The following KIAA1217 variants were observed in gnomAD, a reference collection of about 807,000 sequenced individuals.
The protein encoded by KIAA1217 is KIAA1217.
Under a neutral mutation model 163.9 loss-of-function variants are expected in KIAA1217, and 88 were observed. The observed-to-expected ratio is 0.54, with a 90% CI of 0.45 to 0.64. The LOEUF is 0.64. Among genes scored for constraint, KIAA1217 ranks in the 30% least tolerant of loss-of-function variants. The pLI is 0.00. For missense variants in KIAA1217, 2,372 were observed against 2,475.0 expected, an observed-to-expected ratio of 0.96 and a Z score of 0.88; for synonymous variants, 903 against 923.1, an observed-to-expected ratio of 0.98 and a Z score of 0.39.
rs951069395 is a variant in KIAA1217, at chr10:24,543,805, G to A, written c.4535G>A (p.Arg1512Lys). 5 of 1,613,914 alleles carry A rather than the reference G, an allele frequency of 3.1e-6. No individual in the cohort carries two copies. In the Admixed American group the frequency reaches 6.7e-5, roughly 22 times the overall value. Residue 1512 changes from arginine to lysine, a missense_variant, in exon 19 of 21, where the codon AGA becomes AAA. Transcript: ENST00000376454. ...AAGAAGGTGGCCCCAGGCAATCTTA[G>A]AACCGGACAACAGGTGGAAACAAAG... ...SHKKVAPGNL[R>K]TGQQVETKSQ... is the part of the protein sequence containing the mutation.
intron 1 of KIAA1217, among the ~76,000 whole-genome samples, chr10:23,824,662 T>TAC (rs1837812065): frequency 3.3e-5 from 4 of 120,890 alleles, no homozygotes; most frequent in Non-Finnish European, 5.0e-5. Flanking sequence ...AAAAAAAATA[T>TAC]ATATATATAT....
chr10:24,094,905 C>T (rs2062087375), intron 2 of KIAA1217, among the ~76,000 whole-genome samples: 1 of 152,208 alleles, frequency 6.6e-6, no homozygotes, highest in Non-Finnish European at 1.5e-5. Context: ...AGCTTCCCGG[C>T]TGCTTTGTTT....
intron 3 of KIAA1217, among the ~76,000 whole-genome samples, chr10:24,384,143 G>A (rs549150694): frequency 7.9e-5 from 12 of 152,228 alleles, no homozygotes; most frequent in South Asian, 2.1e-4. Flanking sequence ...CTGGAAACCC[G>A]CTGTTGATGC....
chr10:23,727,088 C>T (rs7916616), intron 1 of KIAA1217, among the ~76,000 whole-genome samples: 3,550 of 147,190 alleles, frequency 0.024, 152 homozygotes, highest in African/African-American at 0.084. Context: ...CCCAGGTTCA[C>T]GCCATTCTCC....
intron 1 of KIAA1217, among the ~76,000 whole-genome samples, chr10:23,987,821 A>G (rs1846049848): frequency 6.6e-6 from 1 of 152,204 alleles, no homozygotes; most frequent in South Asian, 2.1e-4. Context: ...TTTTAAGTGA[A>G]TTAATTAGTA....
intron 9 of KIAA1217, among the ~76,000 whole-genome samples, chr10:24,503,833 C>G (rs1245820091): frequency 6.6e-6 from 1 of 152,232 alleles, no homozygotes; most frequent in African/African-American, 2.4e-5. Flanking sequence ...TTGGCACCAT[C>G]TGCTGGCCAT....
intron 1 of KIAA1217, among the ~76,000 whole-genome samples, chr10:23,826,782 G>A (rs944198954): frequency 2.0e-5 from 3 of 152,038 alleles, no homozygotes; most frequent in African/African-American, 4.8e-5. Flanking sequence ...TCATATTCTC[G>A]GTTACTATTC....
chr10:24,222,013 T>C (rs1419397949), intron 2 of KIAA1217, among the ~76,000 whole-genome samples: 9 of 152,194 alleles, frequency 5.9e-5, no homozygotes, highest in African/African-American at 9.7e-5. Context: ...CTGAGAAATA[T>C]AGAAATTGGC....
intron 2 of KIAA1217, among the ~76,000 whole-genome samples, chr10:24,128,626 G>A (rs914363688): frequency 1.3e-5 from 2 of 152,126 alleles, no homozygotes; most frequent in African/African-American, 4.8e-5. Flanking sequence ...CTCTACATGT[G>A]CTGTGGCACA....
chr10:24,117,020 A>G (rs987293387), intron 2 of KIAA1217, among the ~76,000 whole-genome samples: 5 of 151,900 alleles, frequency 3.3e-5, no homozygotes, highest in Non-Finnish European at 7.4e-5. Context: ...AAGGAAGGAA[A>G]TAACTCCAAA....
intron 1 of KIAA1217, among the ~76,000 whole-genome samples, chr10:23,699,006 A>G (rs1240822177): frequency 1.3e-5 from 2 of 152,180 alleles, no homozygotes; most frequent in Non-Finnish European, 2.9e-5. Flanking sequence ...GCTTACAGGC[A>G]TGAGCCACTG....
chr10:24,184,089 G>A (rs2066309538), intron 2 of KIAA1217, among the ~76,000 whole-genome samples: 1 of 152,182 alleles, frequency 6.6e-6, no homozygotes, highest in Non-Finnish European at 1.5e-5. Context: ...TTATTCTTGT[G>A]TTTACTTTTA....
intron 1 of KIAA1217, among the ~76,000 whole-genome samples, chr10:23,887,509 C>T (rs937896001): frequency 6.6e-6 from 1 of 151,816 alleles, no homozygotes; most frequent in African/African-American, 2.4e-5. Context: ...TCAATATTCA[C>T]AGTAACATAA....
At chr10:23,900,946 A>G (rs866638185) in intron 1 of KIAA1217, among the ~76,000 whole-genome samples, 29 of 152,136 alleles carry the variant, frequency 1.9e-4, no homozygotes, top group African/African-American at 6.5e-4. Flanking sequence ...TAATGTTTGT[A>G]AAAGAGCATA....
chr10:23,763,552 A>G (rs1464768810), intron 1 of KIAA1217, among the ~76,000 whole-genome samples: 2 of 152,252 alleles, frequency 1.3e-5, no homozygotes, highest in South Asian at 2.1e-4. Context: ...CCATATGCAG[A>G]AAACTGAAAC....
At chr10:23,818,331 T>TA (rs1343079104) in intron 1 of KIAA1217, among the ~76,000 whole-genome samples, 29 of 86,798 alleles carry the variant, frequency 3.3e-4, no homozygotes, top group African/African-American at 9.8e-4. Context: ...ATATATATAT[T>TA]TTATATATAT....
intron 1 of KIAA1217, among the ~76,000 whole-genome samples, chr10:23,766,293 G>T (rs7085055): frequency 6.6e-6 from 1 of 152,104 alleles, no homozygotes. Flanking sequence ...AATATTTAAA[G>T]AATAGCTTTT....
intron 2 of KIAA1217, among the ~76,000 whole-genome samples, chr10:24,185,791 G>A (rs776394031): frequency 7.3e-5 from 11 of 150,804 alleles, no homozygotes; most frequent in Admixed American, 1.3e-4. Flanking sequence ...GCAAAATTCC[G>A]TCTCAAAAAA....
intron 2 of KIAA1217, among the ~76,000 whole-genome samples, chr10:24,135,426 G>A (rs2063798262): frequency 6.6e-6 from 1 of 152,112 alleles, no homozygotes; most frequent in African/African-American, 2.4e-5. Context: ...CCTCCGCTGG[G>A]ATTGGCGTGG....
Sources: allele counts gnomAD v4.1 joint callset (sites outside exome capture counted in the v4.1 genomes callset), GRCh38; gene constraint gnomAD v4.1.1; transcripts MANE v1.5; gene names NCBI Gene and HGNC (gene_info 2026-07-23, HGNC 2026-07-21).